The following PKNOX2 variants were observed in gnomAD, a reference collection of about 807,000 sequenced individuals.
PKNOX2 encodes the protein PBX/knotted 1 homeobox 2, also known as homeobox protein PKNOX2.
Under a neutral mutation model 53.1 loss-of-function variants are expected in PKNOX2, and 14 were observed. That is an observed-to-expected ratio of 0.26 (90% CI 0.17 to 0.41). The LOEUF (loss-of-function observed/expected upper bound fraction) is 0.41. Among genes scored for constraint, PKNOX2 ranks in the 10% least tolerant of loss-of-function variants. The probability of loss-of-function intolerance (pLI) is 1.00; values close to 1 mark genes in which losing one functional copy is unlikely to be tolerated. For synonymous variants in PKNOX2, 257 were observed against 242.8 expected (o/e 1.06, Z -0.54); for missense variants, 496 against 602.8 (o/e 0.82, Z 1.85).
chr11:125,222,662 A>ATGTGTGTGCGTATGTGTGTGCTGTGTG, intron 1 of PKNOX2, among the ~76,000 whole-genome samples: 1 of 126,932 alleles, frequency 7.9e-6, no homozygotes, highest in South Asian at 2.5e-4. Flanking sequence ...TGTGCTGTGT[A>ATGTGTGTGCGTATGTGTGTGCTGTGTG]TGTGTGTGTG....
At chr11:125,299,036 C>T (rs1273403117) in intron 2 of PKNOX2, among the ~76,000 whole-genome samples, 1 of 151,906 alleles carries the variant, frequency 6.6e-6, no homozygotes, top group Non-Finnish European at 1.5e-5. Flanking sequence ...ATGGTGCCAG[C>T]ATCTTCTCGG....
At chr11:125,382,411 G>A (rs909252119) in intron 5 of PKNOX2, among the ~76,000 whole-genome samples, 1 of 152,206 alleles carries the variant, frequency 6.6e-6, no homozygotes, top group Non-Finnish European at 1.5e-5. Context: ...CAGCTGCCAC[G>A]GGGTTGCAGC....
At chr11:125,319,111 TTTTGA>T (rs1318005170) in intron 2 of PKNOX2, among the ~76,000 whole-genome samples, 1 of 152,226 alleles carries the variant, frequency 6.6e-6, no homozygotes, top group Non-Finnish European at 1.5e-5. Flanking sequence ...CATTTCTAAC[TTTTGA>T]TTTAAAGTGA....
chr11:125,286,280 T>A (rs917140601), intron 2 of PKNOX2, among the ~76,000 whole-genome samples: 1 of 152,200 alleles, frequency 6.6e-6, no homozygotes, highest in Non-Finnish European at 1.5e-5. Context: ...AAATTTGAAT[T>A]CCTGAAAACT....
chr11:125,211,725 G>A (rs1939874961), intron 1 of PKNOX2, among the ~76,000 whole-genome samples: 1 of 152,050 alleles, frequency 6.6e-6, no homozygotes, highest in Non-Finnish European at 1.5e-5. Context: ...TGCCTGCTTT[G>A]GGCTGCAGGG....
rs372216907 is a variant in PKNOX2, at chr11:125,211,912, G to A, written c.-200-23133G>A. Among the ~76,000 whole-genome samples, 4 of 152,132 alleles carry A rather than the reference G, an allele frequency of 2.6e-5. No homozygotes were observed. The East Asian group carries it at 5.8e-4, about 22-fold the overall frequency. ...TGCCCTACTTGGAGACACACTACATGTGGGGACAAGTCACGATGTATTTGG... is the reference window on the plus strand; with the variant it reads ...TGCCCTACTTGGAGACACACTACATATGGGGACAAGTCACGATGTATTTGG... On this transcript the variant is annotated intron_variant, in intron 1 of 12. Coordinates refer to ENST00000298282, the MANE Select transcript of PKNOX2 (RefSeq NM_001382323.2).
intron 1 of PKNOX2, among the ~76,000 whole-genome samples, chr11:125,223,081 G>C (rs1182774639): frequency 6.6e-6 from 1 of 152,128 alleles, no homozygotes; most frequent in African/African-American, 2.4e-5. Context: ...AATATTACAA[G>C]TGGACATCCT....
chr11:125,222,715 A>ATG (rs541803532), intron 1 of PKNOX2, among the ~76,000 whole-genome samples: 2 of 124,140 alleles, frequency 1.6e-5, no homozygotes, highest in East Asian at 4.7e-4. Context: ...TGTGCTGTGT[A>ATG]TGTGTGTGTG....
intron 5 of PKNOX2, among the ~76,000 whole-genome samples, chr11:125,372,654 C>T (rs1221400099): frequency 6.6e-6 from 1 of 152,238 alleles, no homozygotes; most frequent in Non-Finnish European, 1.5e-5. Flanking sequence ...CAAACTTCTC[C>T]ATCTTTTCCA....
At chr11:125,190,965 T>G (rs2135345411) in intron 1 of PKNOX2, 1 of 152,356 alleles carries the variant, frequency 6.6e-6, no homozygotes, top group East Asian at 1.9e-4. Context: ...CTTTTTGTTT[T>G]CATATGCCTG....
chr11:125,327,618 A>G (rs1253098764), intron 2 of PKNOX2, among the ~76,000 whole-genome samples: 1 of 152,152 alleles, frequency 6.6e-6, no homozygotes, highest in Non-Finnish European at 1.5e-5. Flanking sequence ...GTGGAGGGCA[A>G]GAGGAGGGTT....
chr11:125,332,259 T>C (rs1489369203), intron 3 of PKNOX2, among the ~76,000 whole-genome samples: 1 of 151,894 alleles, frequency 6.6e-6, no homozygotes, highest in Non-Finnish European at 1.5e-5. Context: ...GAGCAAACAT[T>C]ATCACCCATG....
intron 1 of PKNOX2, among the ~76,000 whole-genome samples, chr11:125,182,057 G>A (rs1278801120): frequency 6.6e-6 from 1 of 152,188 alleles, no homozygotes; most frequent in Non-Finnish European, 1.5e-5. Context: ...TCTCCTCAGC[G>A]GAGTTACTGA....
intron 1 of PKNOX2, among the ~76,000 whole-genome samples, chr11:125,220,597 G>T (rs986365117): frequency 1.3e-5 from 2 of 152,128 alleles, no homozygotes; most frequent in African/African-American, 4.8e-5. Context: ...GGAAACAATG[G>T]CAGGTCACTG....
At chr11:125,344,439 A>G (rs1205316476) in intron 3 of PKNOX2, among the ~76,000 whole-genome samples, 1 of 152,178 alleles carries the variant, frequency 6.6e-6, no homozygotes, top group Non-Finnish European at 1.5e-5. Flanking sequence ...TACCATTTCC[A>G]AAGCATTCAC....
In PKNOX2 at chr11:125,331,898, T is replaced by C. The variant is rs1376866080; in HGVS notation, c.-50T>C. ...AGGGGAGTGAGTCTCCTGAGGACCA[T>C]CTCAGAGGCCCCGGGATCACCCGAA... On this transcript the variant is annotated 5_prime_UTR_variant, in exon 3 of 13. Coordinates refer to ENST00000298282, the MANE Select transcript of PKNOX2 (RefSeq NM_001382323.2). 1 of 152,146 alleles carries C rather than the reference T, an allele frequency of 6.6e-6. No individual in the cohort carries two copies. Among genetic ancestry groups the C allele is most frequent in the Admixed American group, 6.5e-5 (1 of 15,286 alleles). The allele number at this position is 152,146 out of a possible 1,614,324, so 9.4% of individuals were successfully genotyped here. A position where few individuals can be genotyped will look rare whatever the true frequency, so the allele number is the denominator to read the frequency against.
At chr11:125,177,359 C>T (rs966183582) in intron 1 of PKNOX2, among the ~76,000 whole-genome samples, 2 of 152,106 alleles carry the variant, frequency 1.3e-5, no homozygotes, top group South Asian at 2.1e-4. Flanking sequence ...TATAAATCCA[C>T]GATTACACGG....
chr11:125,389,015 C>T (rs1038588476), intron 6 of PKNOX2, among the ~76,000 whole-genome samples: 23 of 152,058 alleles, frequency 1.5e-4, no homozygotes, highest in African/African-American at 3.1e-4. Flanking sequence ...GCCAACATGG[C>T]GAAACCTCGT....
chr11:125,268,783 A>T lies in PKNOX2; in HGVS notation c.-130+33668A>T, dbSNP rs992096694. Among the ~76,000 whole-genome samples, 4 of 152,082 alleles carry T rather than the reference A, an allele frequency of 2.6e-5. No individual in the cohort carries two copies. In the East Asian group the frequency reaches 5.8e-4, roughly 22 times the overall value. ...CTGTGAGATCTGGGCTCGGACAAGC[A>T]CTTTAAACCCACAAGTTGGCTGCAT... On this transcript the variant is annotated intron_variant, in intron 2 of 12. Transcript: ENST00000298282.
Sources: allele counts gnomAD v4.1 joint callset (sites outside exome capture counted in the v4.1 genomes callset), GRCh38; gene constraint gnomAD v4.1.1; transcripts MANE v1.5; gene names NCBI Gene and HGNC (gene_info 2026-07-23, HGNC 2026-07-21).